Variants in SLC14A2 observed in about 807,000 individuals in gnomAD.
SLC14A2 encodes the protein solute carrier family 14 member 2, also known as urea transporter 2.
In SLC14A2, 91 loss-of-function variants were observed where a neutral mutation model predicts 104.6. The ratio of observed to expected loss-of-function variants is 0.87; its 90% CI spans 0.73 to 1.04. The LOEUF (loss-of-function observed/expected upper bound fraction) is 1.04, where lower values mean the gene tolerates loss of function less well. SLC14A2 is among the 50% of genes least tolerant of loss of function. SLC14A2 has a pLI of 0.00. For synonymous variants in SLC14A2, 476 were observed against 466.4 expected, an observed-to-expected ratio of 1.02 and a Z score of -0.27; for missense variants, 1,189 against 1,156.0, an observed-to-expected ratio of 1.03 and a Z score of -0.41.
intron 1 of SLC14A2, among the ~76,000 whole-genome samples, chr18:45,408,194 T>C (rs1276976607): frequency 1.3e-5 from 2 of 152,186 alleles, no homozygotes; most frequent in Admixed American, 6.5e-5. Context: ...GTTCATATCA[T>C]TGCTGGGGAA....
At chr18:45,243,115 T>C (rs2084334143) in intron 1 of SLC14A2, among the ~76,000 whole-genome samples, 1 of 152,228 alleles carries the variant, frequency 6.6e-6, no homozygotes, top group Non-Finnish European at 1.5e-5. Flanking sequence ...AGCTAAGAGC[T>C]AAATTTAATA....
chr18:45,340,385 C>T (rs2085381728), intron 1 of SLC14A2, among the ~76,000 whole-genome samples: 1 of 152,166 alleles, frequency 6.6e-6, no homozygotes, highest in African/African-American at 2.4e-5. Context: ...CATGCCCTGC[C>T]CATCTGTCAA....
chr18:45,257,701 A>G (rs1242514960), intron 1 of SLC14A2, among the ~76,000 whole-genome samples: 1 of 152,188 alleles, frequency 6.6e-6, no homozygotes, highest in Non-Finnish European at 1.5e-5. Context: ...GAGGTTCCCC[A>G]AAGTGTGCCC....
chr18:45,337,060 C>T (rs55756464), intron 1 of SLC14A2, among the ~76,000 whole-genome samples: 12,361 of 151,562 alleles, frequency 0.082, 663 homozygotes, highest in Non-Finnish European at 0.11. Context: ...ATTATATAAC[C>T]GTGTATTGGG....
At chr18:45,221,811 T>C (rs2084065201) in intron 1 of SLC14A2, among the ~76,000 whole-genome samples, 1 of 151,804 alleles carries the variant, frequency 6.6e-6, no homozygotes, top group Non-Finnish European at 1.5e-5. Context: ...CAGCAAAGAC[T>C]TCACATAGGA....
intron 1 of SLC14A2, among the ~76,000 whole-genome samples, chr18:45,258,830 G>A (rs2084506466): frequency 9.7e-6 from 1 of 102,902 alleles, no homozygotes; most frequent in Non-Finnish European, 2.0e-5. Flanking sequence ...GACTAGGGGT[G>A]TGACTTGATC....
chr18:45,271,618 A>C (rs2084651509), intron 1 of SLC14A2, among the ~76,000 whole-genome samples: 1 of 152,144 alleles, frequency 6.6e-6, no homozygotes, highest in Admixed American at 6.6e-5. Flanking sequence ...CTATAATGAA[A>C]ACTATAAAAC....
At chr18:45,216,450 T>A (rs1050996592) in intron 1 of SLC14A2, among the ~76,000 whole-genome samples, 1 of 152,188 alleles carries the variant, frequency 6.6e-6, no homozygotes, top group Non-Finnish European at 1.5e-5. Flanking sequence ...CTGCTATGGC[T>A]AATCTCATCT....
intron 1 of SLC14A2, among the ~76,000 whole-genome samples, chr18:45,257,568 T>G (rs1162734707): frequency 6.6e-6 from 1 of 152,144 alleles, no homozygotes; most frequent in Non-Finnish European, 1.5e-5. Context: ...AAGTCATGAG[T>G]TTTTAGAAAT....
chr18:45,261,259 C>T lies in SLC14A2; in HGVS notation c.-125+48068C>T, dbSNP rs916529444. Among the ~76,000 whole-genome samples the T allele has an allele frequency of 9.9e-5, 15 of 151,310 alleles. No individual in the cohort carries two copies. In the East Asian group the frequency reaches 1.4e-3, roughly 14 times the overall value. ...ATTCCCATCTATGAGTGAGAACATG[C>T]GGGGTTTGGTTTTTTGTCCTTGCGA... On this transcript the variant is annotated intron_variant, in intron 1 of 20. Coordinates refer to the SLC14A2 transcript ENST00000586448.
At chr18:45,600,127 C>T (rs202103832) in intron 2 of SLC14A2, among the ~76,000 whole-genome samples, 17 of 152,146 alleles carry the variant, frequency 1.1e-4, no homozygotes, top group South Asian at 4.2e-4. Flanking sequence ...AAATGTAGGG[C>T]GCTTGTTAAA....
the SLC14A2 span, among the ~76,000 whole-genome samples, chr18:45,170,998 T>C: frequency 1.3e-5 from 2 of 149,976 alleles, no homozygotes; most frequent in African/African-American, 4.9e-5. Context: ...ACACTCAAAA[T>C]GATGAATAAT....
chr18:45,629,957 T>A (rs994237545), intron 4 of SLC14A2, among the ~76,000 whole-genome samples: 2 of 152,212 alleles, frequency 1.3e-5, no homozygotes, highest in Non-Finnish European at 2.9e-5. Context: ...TACCTCTGTC[T>A]ATCTAATTCT....
intron 1 of SLC14A2, among the ~76,000 whole-genome samples, chr18:45,266,317 T>A (rs1356362632): frequency 6.6e-6 from 1 of 152,164 alleles, no homozygotes; most frequent in Admixed American, 6.5e-5. Context: ...TTGGGGAGTT[T>A]GGAATTTCAA....
intron 1 of SLC14A2, among the ~76,000 whole-genome samples, chr18:45,291,061 G>A (rs1037202471): frequency 6.6e-5 from 10 of 152,306 alleles, no homozygotes; most frequent in African/African-American, 2.4e-4. Context: ...CATGTGGGTT[G>A]AGTGTTGGCA....
chr18:45,667,860 A>G lies in SLC14A2; in HGVS notation c.1745A>G (p.Asp582Gly). ...KDKSPVFQFF[D>G]WVLRGTSQVM... ...AAGTCCCCAGTGTTCCAGTTCTTTG[A>G]CTGGGTCCTCCGAGGCACATCTCAA... The change falls in exon 14 of 20, where the codon GAC becomes GGC. Residue 582 changes from aspartate to glycine, a missense_variant. By Grantham distance (94) the Asp-to-Gly change is moderately conservative. Coordinates refer to ENST00000255226, the MANE Select transcript of SLC14A2 (RefSeq NM_007163.4). 1.9e-6 allele frequency: 3 copies of G among 1,614,020 alleles called. No individual in the cohort carries two copies. The highest frequency in any genetic ancestry group is 2.5e-6 in the Non-Finnish European group (3 of 1,179,984).
chr18:45,372,050 G>A (rs896513877), intron 1 of SLC14A2, among the ~76,000 whole-genome samples: 2 of 152,232 alleles, frequency 1.3e-5, no homozygotes, highest in East Asian at 1.9e-4. Context: ...AGTGGCTCAC[G>A]CCTGTAACCC....
At chr18:45,302,624 C>G (rs1176071284) in intron 1 of SLC14A2, among the ~76,000 whole-genome samples, 2 of 152,156 alleles carry the variant, frequency 1.3e-5, no homozygotes, top group East Asian at 3.9e-4. Context: ...TTTGTCAATC[C>G]TGAGTTCGGG....
intron 2 of SLC14A2, among the ~76,000 whole-genome samples, chr18:45,603,339 T>C (rs2044818910): frequency 6.6e-6 from 1 of 152,142 alleles, no homozygotes; most frequent in African/African-American, 2.4e-5. Flanking sequence ...AACATGCGTG[T>C]GGTTTCCCAG....
Sources: allele counts gnomAD v4.1 joint callset (sites outside exome capture counted in the v4.1 genomes callset), GRCh38; gene constraint gnomAD v4.1.1; transcripts MANE v1.5; gene names NCBI Gene and HGNC (gene_info 2026-07-23, HGNC 2026-07-21).